SERINC5: variants seen among roughly 807,000 people sequenced by gnomAD.
SERINC5 encodes the protein chromosome 5 open reading frame 12.
Under a neutral mutation model 63.1 loss-of-function variants are expected in SERINC5, and 41 were observed. The observed-to-expected ratio is 0.65, with a 90% CI of 0.51 to 0.84. The LOEUF (loss-of-function observed/expected upper bound fraction) is 0.84, where lower values mean the gene tolerates loss of function less well. Among genes scored for constraint, SERINC5 ranks in the 40% least tolerant of loss-of-function variants. The pLI is 0.00. For synonymous variants in SERINC5, 222 were observed against 215.2 expected (o/e 1.03, Z -0.28); for missense variants, 523 against 573.0 (o/e 0.91, Z 0.89).
At chr5:80,206,589 T>C (rs1227124874) in intron 1 of SERINC5, among the ~76,000 whole-genome samples, 1 of 152,208 alleles carries the variant, frequency 6.6e-6, no homozygotes, top group African/African-American at 2.4e-5. Context: ...AATACACAAG[T>C]GGTATCCTAA....
downstream of SERINC5, among the ~76,000 whole-genome samples, chr5:80,137,152 A>C (rs1358986154): frequency 1.1e-4 from 15 of 142,110 alleles, no homozygotes; most frequent in African/African-American, 2.5e-4. Context: ...AAAAAAAAAA[A>C]AAAAAAAAAA....
intron 11 of SERINC5, among the ~76,000 whole-genome samples, chr5:80,119,483 G>A (rs1744458040): frequency 6.6e-6 from 1 of 152,240 alleles, no homozygotes; most frequent in Non-Finnish European, 1.5e-5. Context: ...TTTGTCAGCA[G>A]AGAACAGGGC....
chr5:80,202,975 G>A lies in SERINC5; in HGVS notation c.106C>T (p.Arg36Cys), dbSNP rs374533726. ...ATGAAGTAGAGGGCGTACATGAAGC[G>A]GGTGCTGAGGGACTGCCGAATCCTG... The part of the protein sequence containing the change: ...CPRIRQSLST[R>C]FMYALYFILV... The change falls in exon 2 of 12, where the codon CGC becomes TGC. Residue 36 changes from arginine to cysteine, a missense_variant. Physicochemically the swap from Arg to Cys is radical, Grantham distance 180 (BLOSUM62 -3). Transcript: ENST00000507668. The A allele has an allele frequency of 1.9e-5, 30 of 1,613,532 alleles. No individual in the cohort carries two copies. The highest frequency in any genetic ancestry group is 2.3e-5 in the Non-Finnish European group (27 of 1,179,732).
intron 2 of SERINC5, among the ~76,000 whole-genome samples, chr5:80,180,128 T>C (rs1228729561): frequency 1.3e-5 from 2 of 152,212 alleles, no homozygotes; most frequent in Non-Finnish European, 2.9e-5. Context: ...TAGCTTATTC[T>C]AGCCAAATTA....
At chr5:80,207,206 G>C (rs901459351) in intron 1 of SERINC5, among the ~76,000 whole-genome samples, 3 of 152,096 alleles carry the variant, frequency 2.0e-5, no homozygotes, top group Admixed American at 1.3e-4. Context: ...CACTGTGTTA[G>C]CCAGGATGGT....
chr5:80,208,571 A>C (rs1025798042), intron 1 of SERINC5, among the ~76,000 whole-genome samples: 1 of 152,082 alleles, frequency 6.6e-6, no homozygotes, highest in African/African-American at 2.4e-5. Flanking sequence ...TGCTATACTC[A>C]ATTTCCCACG....
intron 8 of SERINC5, among the ~76,000 whole-genome samples, chr5:80,151,801 T>C (rs559046125): frequency 7.8e-4 from 119 of 152,256 alleles, no homozygotes; most frequent in Non-Finnish European, 1.5e-3. Flanking sequence ...CAGGCAACAA[T>C]CCTGCCGTCA....
Position 80,236,780 on chromosome 5 carries a change from G to A in SERINC5, c.27+19116C>T, listed in dbSNP as rs185498445. ...GACCTCAGGTGATCCACCCGCCTCC[G>A]CCTCTCAAAGTGCTGGGATTACAGG... On this transcript the variant is annotated intron_variant, in intron 1 of 11. Coordinates refer to ENST00000507668, the MANE Select transcript of SERINC5 (RefSeq NM_001174072.3). Among the ~76,000 whole-genome samples the A allele has an allele frequency of 4.2e-3, 639 of 152,156 alleles. 4 individuals carry two copies. Among genetic ancestry groups the A allele is most frequent in the Middle Eastern group, 0.024 (7 of 294 alleles).
chr5:80,177,236 C>CTTTG, intron 4 of SERINC5, 79 bp downstream of exon 4: 1 of 975,686 alleles, frequency 1.0e-6, no homozygotes, highest in Admixed American at 2.1e-5. Flanking sequence ...ATCAGAGGTA[C>CTTTG]TTTGGACTGC....
downstream of SERINC5, among the ~76,000 whole-genome samples, chr5:80,136,573 G>T (rs1442849790): frequency 6.6e-6 from 1 of 152,078 alleles, no homozygotes; most frequent in Non-Finnish European, 1.5e-5. Context: ...GTTAAAACCC[G>T]AAACTAAAGC....
At chr5:80,193,816 G>C (rs994535405) in intron 2 of SERINC5, among the ~76,000 whole-genome samples, 17 of 152,214 alleles carry the variant, frequency 1.1e-4, no homozygotes, top group African/African-American at 4.1e-4. Context: ...GGAGGGTACA[G>C]GGACTCCTTG....
intron 10 of SERINC5, 80 bp from the exon 11 acceptor site, chr5:80,146,314 T>C: frequency 6.5e-7 from 1 of 1,528,622 alleles, no homozygotes; most frequent in Non-Finnish European, 9.0e-7. Context: ...TCGCTAATTC[T>C]ACAGGGCTGT....
chr5:80,236,348 A>T (rs955862906), intron 1 of SERINC5, among the ~76,000 whole-genome samples: 1 of 152,146 alleles, frequency 6.6e-6, no homozygotes, highest in Non-Finnish European at 1.5e-5. Flanking sequence ...AACATACCGG[A>T]ACTCAGGCTT....
intron 8 of SERINC5, among the ~76,000 whole-genome samples, chr5:80,153,879 A>G (rs1356693692): frequency 1.3e-5 from 2 of 151,894 alleles, no homozygotes; most frequent in Non-Finnish European, 2.9e-5. Context: ...ACCCCTTCAC[A>G]CTGGCAGAAG....
intron 8 of SERINC5, among the ~76,000 whole-genome samples, chr5:80,155,112 A>T (rs905945279): frequency 2.6e-5 from 4 of 152,242 alleles, no homozygotes; most frequent in African/African-American, 9.6e-5. Flanking sequence ...CAACTCTGGG[A>T]TCCTGTCCAG....
At chr5:80,190,684 C>T (rs577465267) in intron 2 of SERINC5, among the ~76,000 whole-genome samples, 5 of 152,298 alleles carry the variant, frequency 3.3e-5, no homozygotes, top group South Asian at 2.1e-4. Context: ...ATGGTTAATT[C>T]GGACTAGTCA....
intron 2 of SERINC5, among the ~76,000 whole-genome samples, chr5:80,182,553 C>T (rs545118250): frequency 1.9e-4 from 24 of 128,204 alleles, no homozygotes; most frequent in African/African-American, 3.8e-4. Context: ...CGCCCCCCCC[C>T]CCTCCGCTTT....
chr5:80,193,163 A>G (rs1749302488), intron 2 of SERINC5, among the ~76,000 whole-genome samples: 1 of 152,372 alleles, frequency 6.6e-6, no homozygotes, highest in Admixed American at 6.5e-5. Flanking sequence ...AGCTCGGATT[A>G]CAGTTTAATC....
intron 1 of SERINC5, among the ~76,000 whole-genome samples, chr5:80,246,622 C>G (rs977851954): frequency 2.6e-5 from 4 of 152,160 alleles, no homozygotes; most frequent in African/African-American, 9.7e-5. Context: ...CCTTAAACAT[C>G]AGCAATTTTA....
Sources: gnomAD v4.1 joint callset for allele counts (sites outside exome capture counted in the v4.1 genomes callset) on GRCh38, gnomAD v4.1.1 for gene constraint, MANE v1.5 for transcripts, NCBI Gene and HGNC (gene_info 2026-07-23, HGNC 2026-07-21) for gene names.